NKAIN2: variants seen among roughly 807,000 people sequenced by gnomAD.
NKAIN2 encodes the protein sodium/potassium-transporting ATPase subunit beta-1-interacting protein 2.
A neutral mutation model predicts 32.6 loss-of-function variants in NKAIN2; 14 were observed. The observed-to-expected ratio is 0.43, with a 90% CI of 0.28 to 0.67. The LOEUF (loss-of-function observed/expected upper bound fraction) is 0.67. Ranked by LOEUF, NKAIN2 falls within the 30% of genes least tolerant of loss-of-function variation. The probability of loss-of-function intolerance (pLI) is 0.17; values close to 1 mark genes in which losing one functional copy is unlikely to be tolerated. For missense variants in NKAIN2, 198 were observed against 258.3 expected, an observed-to-expected ratio of 0.77 and a Z score of 1.60; for synonymous variants, 80 against 87.2, an observed-to-expected ratio of 0.92 and a Z score of 0.46.
chr6:124,516,222 G>A (rs183562473), intron 3 of NKAIN2, among the ~76,000 whole-genome samples: 1 of 152,226 alleles, frequency 6.6e-6, no homozygotes, highest in Admixed American at 6.5e-5. Context: ...GCAGAATAGA[G>A]TAAGGGAAAT....
intron 1 of NKAIN2, among the ~76,000 whole-genome samples, chr6:123,925,095 G>A (rs1167674325): frequency 6.6e-6 from 1 of 151,864 alleles, no homozygotes; most frequent in African/African-American, 2.4e-5. Context: ...TGAATTACTT[G>A]TCCAAGTGGC....
intron 4 of NKAIN2, among the ~76,000 whole-genome samples, chr6:124,706,801 T>C (rs1023505799): frequency 6.6e-6 from 1 of 152,182 alleles, no homozygotes; most frequent in Non-Finnish European, 1.5e-5. Flanking sequence ...TAAAACAGAC[T>C]GAATGCATTA....
intron 1 of NKAIN2, among the ~76,000 whole-genome samples, chr6:123,968,901 A>G (rs1045472663): frequency 2.6e-5 from 4 of 152,116 alleles, no homozygotes; most frequent in African/African-American, 7.2e-5. Flanking sequence ...CAAAGTGTGG[A>G]GCACCTTGCT....
At chr6:124,756,503 T>C (rs965414229) in intron 4 of NKAIN2, among the ~76,000 whole-genome samples, 5 of 152,086 alleles carry the variant, frequency 3.3e-5, no homozygotes, top group Non-Finnish European at 7.4e-5. Context: ...GAAAGAATAT[T>C]TAAATAGGCA....
At chr6:124,223,135 C>G (rs752062571) in intron 1 of NKAIN2, among the ~76,000 whole-genome samples, 3 of 148,272 alleles carry the variant, frequency 2.0e-5, no homozygotes, top group Non-Finnish European at 4.4e-5. Context: ...ATCATTTCGA[C>G]CCGGGAGGTG....
intron 5 of NKAIN2, among the ~76,000 whole-genome samples, chr6:124,815,225 CAT>C (rs56841213): frequency 0.013 from 1,714 of 136,976 alleles, 23 homozygotes; most frequent in Non-Finnish European, 0.014. Flanking sequence ...TATATATATA[CAT>C]ATATATATAT....
chr6:123,995,252 C>G (rs1426634487), intron 1 of NKAIN2, among the ~76,000 whole-genome samples: 2 of 152,074 alleles, frequency 1.3e-5, no homozygotes, highest in African/African-American at 2.4e-5. Flanking sequence ...TGAGGACGAG[C>G]CTTGTTGGTG....
chr6:123,831,737 G>A (rs941649487), intron 1 of NKAIN2, among the ~76,000 whole-genome samples: 4 of 149,834 alleles, frequency 2.7e-5, no homozygotes, highest in African/African-American at 9.8e-5. Flanking sequence ...CTCACTGCAA[G>A]CTCCGCCTCC....
intron 3 of NKAIN2, among the ~76,000 whole-genome samples, chr6:124,520,593 A>G (rs930443763): frequency 1.3e-5 from 2 of 152,224 alleles, no homozygotes; most frequent in African/African-American, 4.8e-5. Flanking sequence ...GCCAGCTTTA[A>G]GAAGGCACAT....
chr6:124,492,233 A>G (rs968271505), intron 3 of NKAIN2, among the ~76,000 whole-genome samples: 1 of 152,024 alleles, frequency 6.6e-6, no homozygotes, highest in Admixed American at 6.6e-5. Flanking sequence ...TTTTCTGAAT[A>G]TGGCAACCAG....
At chr6:123,998,737 C>CTG (rs1470267270) in intron 1 of NKAIN2, among the ~76,000 whole-genome samples, 3 of 91,418 alleles carry the variant, frequency 3.3e-5, no homozygotes, top group Non-Finnish European at 6.7e-5. Flanking sequence ...GTTTCTCTCT[C>CTG]TCTCTCTGTG....
chr6:124,529,651 A>G (rs1485057253), intron 3 of NKAIN2, among the ~76,000 whole-genome samples: 2 of 152,118 alleles, frequency 1.3e-5, no homozygotes, highest in African/African-American at 4.8e-5. Context: ...GAGGCTTAGG[A>G]GAAGGTGGTT....
At chr6:124,602,821 C>T (rs2114983793) in intron 3 of NKAIN2, among the ~76,000 whole-genome samples, 1 of 151,878 alleles carries the variant, frequency 6.6e-6, no homozygotes, top group South Asian at 2.1e-4. Context: ...TTTCGTTTTC[C>T]ACAAGTAGCA....
intron 4 of NKAIN2, among the ~76,000 whole-genome samples, chr6:124,781,323 T>C (rs934254928): frequency 6.6e-6 from 1 of 152,144 alleles, no homozygotes; most frequent in African/African-American, 2.4e-5. Flanking sequence ...TAATAGATGA[T>C]GATAGAAATT....
At chr6:124,346,078 C>T in intron 2 of NKAIN2, among the ~76,000 whole-genome samples, 1 of 152,062 alleles carries the variant, frequency 6.6e-6, no homozygotes, top group Admixed American at 6.6e-5. Flanking sequence ...TTTCTGCCTT[C>T]ATTTCGTTAT....
At chr6:124,284,005 A>C (rs897638309) in intron 2 of NKAIN2, among the ~76,000 whole-genome samples, 5 of 152,070 alleles carry the variant, frequency 3.3e-5, no homozygotes, top group Admixed American at 2.0e-4. Flanking sequence ...TCCTCATTAA[A>C]GATGCCCCCC....
At chr6:124,614,720 T>A (rs1204427580) in intron 3 of NKAIN2, among the ~76,000 whole-genome samples, 1 of 151,834 alleles carries the variant, frequency 6.6e-6, no homozygotes, top group African/African-American at 2.4e-5. Context: ...GCCCCTCCAT[T>A]CCTCCTGAAG....
chr6:124,482,636 A>G (rs1437545788), intron 3 of NKAIN2, among the ~76,000 whole-genome samples: 1 of 152,240 alleles, frequency 6.6e-6, no homozygotes, highest in African/African-American at 2.4e-5. Context: ...ATTTTATTTT[A>G]TAAATACTTT....
chr6:124,703,037 GC>G (rs1774878017), intron 4 of NKAIN2, among the ~76,000 whole-genome samples: 1 of 151,736 alleles, frequency 6.6e-6, no homozygotes, highest in African/African-American at 2.4e-5. Flanking sequence ...AAAGTTGCAT[GC>G]AAAAAAAGGG....
Sources: gnomAD v4.1 joint callset for allele counts (sites outside exome capture counted in the v4.1 genomes callset) on GRCh38, gnomAD v4.1.1 for gene constraint, MANE v1.5 for transcripts, NCBI Gene and HGNC (gene_info 2026-07-23, HGNC 2026-07-21) for gene names.